The following SHISA9 variants were observed in gnomAD, a reference collection of about 807,000 sequenced individuals.
The protein encoded by SHISA9 is protein shisa-9.
Under a neutral mutation model 38.0 loss-of-function variants are expected in SHISA9, and 13 were observed. The observed-to-expected ratio is 0.34, with a 90% CI of 0.22 to 0.54. The LOEUF (loss-of-function observed/expected upper bound fraction) is 0.54. Among genes scored for constraint, SHISA9 ranks in the 20% least tolerant of loss-of-function variants. SHISA9 has a pLI of 0.91. For synonymous variants in SHISA9, 275 were observed against 242.0 expected (o/e 1.14, Z -1.27); for missense variants, 538 against 575.8 (o/e 0.93, Z 0.67).
rs1300708547 is a variant in SHISA9, at chr16:13,140,034, A to G, written c.692-63360A>G. Among the ~76,000 whole-genome samples, 3 of 150,468 alleles carry G rather than the reference A, an allele frequency of 2.0e-5. No homozygotes were observed. The East Asian group carries it at 5.9e-4, about 30-fold the overall frequency. On this transcript the variant is annotated intron_variant, in intron 2 of 4. Coordinates refer to ENST00000558583, the MANE Select transcript of SHISA9 (RefSeq NM_001145204.3). ...GGTCATTCCTTCTTGTTTTGCGAGT[A>G]GATAGTCCCCTCCCCTCTCCTCTCC...
intron 2 of SHISA9, among the ~76,000 whole-genome samples, chr16:13,017,102 C>T (rs575990196): frequency 1.1e-4 from 17 of 151,792 alleles, no homozygotes; most frequent in Non-Finnish European, 2.4e-4. Flanking sequence ...TCACTGCAAC[C>T]TCCGTCTCCT....
chr16:13,435,291 G>A, the SHISA9 span, among the ~76,000 whole-genome samples: 113 of 151,910 alleles, frequency 7.4e-4, no homozygotes, highest in African/African-American at 2.7e-3. Flanking sequence ...GAACTGCAAA[G>A]ACTTCAAAGA....
intron 2 of SHISA9, among the ~76,000 whole-genome samples, chr16:13,056,804 A>G (rs2073315884): frequency 6.6e-6 from 1 of 152,214 alleles, no homozygotes; most frequent in Non-Finnish European, 1.5e-5. Flanking sequence ...CATAGGCATT[A>G]GCTTATTAGG....
intron 2 of SHISA9, among the ~76,000 whole-genome samples, chr16:12,967,139 G>C (rs921214548): frequency 5.9e-5 from 9 of 152,180 alleles, no homozygotes; most frequent in African/African-American, 2.2e-4. Flanking sequence ...ATTCACAATA[G>C]CAAAGACTTG....
chr16:12,987,630 C>A (rs906242287), intron 2 of SHISA9, among the ~76,000 whole-genome samples: 1 of 152,146 alleles, frequency 6.6e-6, no homozygotes, highest in Non-Finnish European at 1.5e-5. Flanking sequence ...GGATAAATAG[C>A]TAATGCATGT....
intron 2 of SHISA9, among the ~76,000 whole-genome samples, chr16:13,136,984 A>T (rs867813711): frequency 6.6e-6 from 1 of 152,228 alleles, no homozygotes; most frequent in Non-Finnish European, 1.5e-5. Flanking sequence ...GAAACAGAAC[A>T]AGGATTAATT....
intron 2 of SHISA9, among the ~76,000 whole-genome samples, chr16:13,126,918 C>CT (rs922603286): frequency 5.8e-5 from 4 of 68,414 alleles, no homozygotes; most frequent in Non-Finnish European, 1.2e-4. Context: ...GAGAGAGAGA[C>CT]TGAGGGAAGG....
chr16:13,447,031 C>A, the SHISA9 span, among the ~76,000 whole-genome samples: 1 of 148,162 alleles, frequency 6.7e-6, no homozygotes, highest in African/African-American at 2.5e-5. Flanking sequence ...ATGTGTGGGG[C>A]TGTAAAAAAA....
chr16:13,541,613 C>T, the SHISA9 span, among the ~76,000 whole-genome samples: 1 of 152,162 alleles, frequency 6.6e-6, no homozygotes, highest in South Asian at 2.1e-4. Flanking sequence ...ACAGTTAAAA[C>T]TCATGAAATA....
At chr16:13,392,280 G>C in the SHISA9 span, among the ~76,000 whole-genome samples, 1 of 152,262 alleles carries the variant, frequency 6.6e-6, no homozygotes, top group Admixed American at 6.5e-5. Flanking sequence ...GGCCCTACTG[G>C]AGTGTGATGA....
the SHISA9 span, among the ~76,000 whole-genome samples, chr16:13,400,032 A>G: frequency 6.6e-6 from 1 of 152,178 alleles, no homozygotes; most frequent in African/African-American, 2.4e-5. Context: ...TCCATCTCAG[A>G]ACTCATCTCT....
the SHISA9 span, among the ~76,000 whole-genome samples, chr16:13,451,770 C>T: frequency 3.9e-5 from 6 of 152,190 alleles, no homozygotes; most frequent in Non-Finnish European, 5.9e-5. Context: ...GTGACAGATC[C>T]TTGAGGACTG....
intron 2 of SHISA9, among the ~76,000 whole-genome samples, chr16:12,957,791 G>A (rs967171191): frequency 6.6e-6 from 1 of 152,110 alleles, no homozygotes; most frequent in African/African-American, 2.4e-5. Flanking sequence ...CAAGGTGCTG[G>A]GTTTGAATTT....
intron 2 of SHISA9, among the ~76,000 whole-genome samples, chr16:13,110,954 A>G (rs1490222456): frequency 6.6e-6 from 1 of 152,160 alleles, no homozygotes; most frequent in South Asian, 2.1e-4. Context: ...TAAGAAGTAA[A>G]CTCAGACATA....
At chr16:13,367,710 GCGCACACACACACACACACACACA>G in the SHISA9 span, among the ~76,000 whole-genome samples, 961 of 90,556 alleles carry the variant, frequency 0.011, 4 homozygotes, top group Non-Finnish European at 0.015. Flanking sequence ...GCGCGCGCGC[GCGCACACACACACACACACACACA>G]CACACACACA....
At chr16:13,243,173 G>C (rs1228722422), downstream of SHISA9, among the ~76,000 whole-genome samples, 1 of 152,086 alleles carries the variant, frequency 6.6e-6, no homozygotes, top group South Asian at 2.1e-4. Context: ...CTGGGAGGCA[G>C]AGTTTGCAGT....
At chr16:13,108,189 C>T (rs1001539456) in intron 2 of SHISA9, among the ~76,000 whole-genome samples, 2 of 150,958 alleles carry the variant, frequency 1.3e-5, no homozygotes, top group South Asian at 2.1e-4. Context: ...AGTGCAGTGT[C>T]CTGACCACGC....
At chr16:13,278,638 G>A in the SHISA9 span, among the ~76,000 whole-genome samples, 1 of 152,016 alleles carries the variant, frequency 6.6e-6, no homozygotes, top group African/African-American at 2.4e-5. Context: ...CCTGATTTAA[G>A]CTAGGAGGGT....
chr16:13,347,463 C>G, the SHISA9 span, among the ~76,000 whole-genome samples: 3 of 152,180 alleles, frequency 2.0e-5, no homozygotes, highest in African/African-American at 7.2e-5. Context: ...CATAGGCTCA[C>G]AGAAATCCTG....
Sources: gnomAD v4.1 joint callset for allele counts (sites outside exome capture counted in the v4.1 genomes callset) on GRCh38, gnomAD v4.1.1 for gene constraint, MANE v1.5 for transcripts, NCBI Gene and HGNC (gene_info 2026-07-23, HGNC 2026-07-21) for gene names.